The following KPNA3 variants were observed in gnomAD, a reference collection of about 807,000 sequenced individuals.
KPNA3 encodes importin subunit alpha-4.
In KPNA3, 13 loss-of-function variants were observed where a neutral mutation model predicts 73.8. The observed-to-expected ratio is 0.18, with a 90% CI of 0.11 to 0.28. KPNA3 has a LOEUF of 0.28. Ranked by LOEUF, KPNA3 falls within the 10% of genes least tolerant of loss-of-function variation. KPNA3 has a pLI of 1.00. For missense variants in KPNA3, 360 were observed against 618.1 expected (o/e 0.58, Z 4.43); for synonymous variants, 186 against 206.9 (o/e 0.90, Z 0.87).
chr13:49,729,296 T>C (rs192074424), intron 6 of KPNA3, among the ~76,000 whole-genome samples: 1 of 152,236 alleles, frequency 6.6e-6, no homozygotes, highest in East Asian at 1.9e-4. Context: ...ACAGTATATG[T>C]TGCCTCAGAC....
chr13:49,789,697 T>C (rs1350450042), intron 1 of KPNA3, among the ~76,000 whole-genome samples: 5 of 152,224 alleles, frequency 3.3e-5, no homozygotes, highest in Admixed American at 2.0e-4. Context: ...TACTCTTAGA[T>C]ATGCCTAAAT....
chr13:49,774,038 T>C (rs561602656), intron 1 of KPNA3, among the ~76,000 whole-genome samples: 85 of 151,762 alleles, frequency 5.6e-4, no homozygotes, highest in Non-Finnish European at 1.0e-3. Flanking sequence ...CCCAAGTAGC[T>C]GGGACCACAG....
intron 1 of KPNA3, among the ~76,000 whole-genome samples, chr13:49,787,084 A>G (rs192368814): frequency 1.6e-3 from 242 of 152,330 alleles, no homozygotes; most frequent in Non-Finnish European, 2.3e-3. Context: ...GGACAATCAG[A>G]TAGTGCCACT....
intron 10 of KPNA3, among the ~76,000 whole-genome samples, chr13:49,711,420 C>G (rs1192078509): frequency 6.6e-6 from 1 of 152,176 alleles, no homozygotes; most frequent in Admixed American, 6.5e-5. Flanking sequence ...CAGAAGAGAA[C>G]AGAAAGGTCA....
At chr13:49,789,344 A>AT (rs1054277586) in intron 1 of KPNA3, among the ~76,000 whole-genome samples, 105 of 149,050 alleles carry the variant, frequency 7.0e-4, no homozygotes, top group African/African-American at 2.1e-3. Context: ...CACTAACCTC[A>AT]TTTTTTTTTT....
At chr13:49,752,215 C>T (rs1190991486) in intron 1 of KPNA3, among the ~76,000 whole-genome samples, 1 of 152,138 alleles carries the variant, frequency 6.6e-6, no homozygotes, top group Non-Finnish European at 1.5e-5. Context: ...AAATCCTCTT[C>T]CTGGACAATG....
chr13:49,725,580 G>T, intron 6 of KPNA3, 79 bp from the exon 7 acceptor site: 1 of 879,034 alleles, frequency 1.1e-6, no homozygotes, highest in Non-Finnish European at 1.8e-6. Context: ...GATAAGATAT[G>T]GCTATTCTTT....
intron 1 of KPNA3, among the ~76,000 whole-genome samples, chr13:49,753,120 CAAAT>C (rs1272616869): frequency 6.7e-6 from 1 of 149,116 alleles, no homozygotes; most frequent in African/African-American, 2.5e-5. Context: ...AAAGACTCCT[CAAAT>C]AAGAAAACCG....
At chr13:49,745,453 G>T (rs1954608808) in intron 2 of KPNA3, among the ~76,000 whole-genome samples, 1 of 151,102 alleles carries the variant, frequency 6.6e-6, no homozygotes, top group South Asian at 2.1e-4. Context: ...CCTGCCTCCA[G>T]GGTTCAAGCA....
intron 1 of KPNA3, among the ~76,000 whole-genome samples, chr13:49,752,310 A>G (rs1019369763): frequency 1.3e-5 from 2 of 152,210 alleles, no homozygotes; most frequent in African/African-American, 4.8e-5. Flanking sequence ...AACAAACAAC[A>G]GAAGAAAAAG....
intron 10 of KPNA3, among the ~76,000 whole-genome samples, chr13:49,717,485 T>C (rs1242942939): frequency 6.6e-6 from 1 of 151,318 alleles, no homozygotes; most frequent in Non-Finnish European, 1.5e-5. Context: ...ATTAACTCCT[T>C]AGCGAACGTA....
In KPNA3 at chr13:49,701,768, G is replaced by A. The variant is rs949710021; in HGVS notation, c.*32C>T. On this transcript the variant is annotated 3_prime_UTR_variant, in exon 17 of 17. Coordinates refer to ENST00000261667, the MANE Select transcript of KPNA3 (RefSeq NM_002267.4). Reference sequence around the variant, plus strand: ...TAGCCATCTGGTGGTGCTTCATATTGAATGTGGGAAAGATGCTGCACTCAA... The same window carrying A: ...TAGCCATCTGGTGGTGCTTCATATTAAATGTGGGAAAGATGCTGCACTCAA... The A allele has an allele frequency of 3.8e-6, 5 of 1,308,552 alleles. No individual in the cohort carries two copies. Among genetic ancestry groups the A allele is most frequent in the Non-Finnish European group, 4.4e-6 (4 of 902,120 alleles). 81.1% of individuals were successfully genotyped at this position (1,308,552 alleles called of 1,614,324 possible).
intron 10 of KPNA3, among the ~76,000 whole-genome samples, chr13:49,713,851 G>A (rs1954282751): frequency 6.6e-6 from 1 of 152,054 alleles, no homozygotes; most frequent in African/African-American, 2.4e-5. Context: ...TTACAGGCGC[G>A]TGCCATCACA....
chr13:49,773,748 C>T (rs1954874119), intron 1 of KPNA3, among the ~76,000 whole-genome samples: 1 of 152,082 alleles, frequency 6.6e-6, no homozygotes, highest in African/African-American at 2.4e-5. Context: ...CTGCTGAAGT[C>T]TACTAGGCAG....
chr13:49,751,501 C>A (rs950850135), intron 1 of KPNA3, among the ~76,000 whole-genome samples: 5 of 152,156 alleles, frequency 3.3e-5, no homozygotes, highest in African/African-American at 9.7e-5. Flanking sequence ...AATGCAAAAT[C>A]TGTGTCATCT....
At chr13:49,718,764 G>A (rs559276756) in intron 10 of KPNA3, among the ~76,000 whole-genome samples, 2 of 152,198 alleles carry the variant, frequency 1.3e-5, no homozygotes, top group South Asian at 4.1e-4. Flanking sequence ...AGTGACTTTA[G>A]CTACCTTTAA....
Position 49,755,985 on chromosome 13 carries a change from C to G in KPNA3, c.70-8992G>C, listed in dbSNP as rs571710705. Among the ~76,000 whole-genome samples the G allele has an allele frequency of 3.3e-5, 5 of 152,114 alleles. No homozygotes were observed. The East Asian group carries it at 7.7e-4, about 23-fold the overall frequency. Reference sequence around the variant, plus strand: ...ACACTGAAATTAAAAATACAAACAACAGCCGGGTGTGGTGGCTCACATCTG... The same window carrying G: ...ACACTGAAATTAAAAATACAAACAAGAGCCGGGTGTGGTGGCTCACATCTG... On this transcript the variant is annotated intron_variant, in intron 1 of 16. Transcript: ENST00000261667.
chr13:49,759,400 T>C (rs1003839088), intron 1 of KPNA3, among the ~76,000 whole-genome samples: 1 of 152,218 alleles, frequency 6.6e-6, no homozygotes, highest in Non-Finnish European at 1.5e-5. Flanking sequence ...AATTTTTCCA[T>C]GGACTAGGAA....
At position 49,701,358 on chromosome 13, in the gene KPNA3, A is replaced by G. The variant is rs1954145767; in HGVS notation, c.*442T>C. The G allele has an allele frequency of 3.4e-6, 1 of 290,830 alleles. No homozygotes were observed. Among genetic ancestry groups the G allele is most frequent in the South Asian group, 3.3e-5 (1 of 30,720 alleles). The allele number at this position is 290,830 out of a possible 1,614,324, so 18.0% of individuals were successfully genotyped here. A position where few individuals can be genotyped will look rare whatever the true frequency, so the allele number is the denominator to read the frequency against. ...TATGAAAATATGTTTGTGGAGGACAATGATGGAGGCTCAGATCACACTGCA... is the reference window on the plus strand; with the variant it reads ...TATGAAAATATGTTTGTGGAGGACAGTGATGGAGGCTCAGATCACACTGCA... On this transcript the variant is annotated 3_prime_UTR_variant, in exon 17 of 17. Coordinates refer to ENST00000261667, the MANE Select transcript of KPNA3 (RefSeq NM_002267.4).
Sources: gnomAD v4.1 joint callset for allele counts (sites outside exome capture counted in the v4.1 genomes callset) on GRCh38, gnomAD v4.1.1 for gene constraint, MANE v1.5 for transcripts, NCBI Gene and HGNC (gene_info 2026-07-23, HGNC 2026-07-21) for gene names.